C2CD2: variants seen among roughly 807,000 people sequenced by gnomAD.
The protein encoded by C2CD2 is C2 calcium dependent domain containing 2.
C2CD2 carries 43 observed loss-of-function variants against 74.3 expected under a neutral mutation model. The observed-to-expected ratio is 0.58, with a 90% confidence interval of 0.45 to 0.75. C2CD2 has a LOEUF of 0.75. C2CD2 is among the 30% of genes least tolerant of loss of function. The pLI is 0.00. For missense variants in C2CD2, 801 were observed against 916.3 expected (o/e 0.87, Z 1.63); for synonymous variants, 422 against 390.7 (o/e 1.08, Z -0.94).
At position 41,912,376 on chromosome 21, in the gene C2CD2, C is replaced by T; in HGVS notation, c.909G>A (p.Leu303=). The T allele has an allele frequency of 6.2e-7, 1 of 1,612,706 alleles. No homozygotes were observed. The highest frequency in any genetic ancestry group is 8.5e-7 in the Non-Finnish European group (1 of 1,179,826). The change falls in exon 7 of 14, where the codon CTG becomes CTA. Residue 303 remains leucine (L), a synonymous_variant. Coordinates refer to ENST00000380486, the MANE Select transcript of C2CD2 (RefSeq NM_015500.2). ...NDPVQRFSST[L]TKNTPDLMWE... ...ACATGAGGTCCGGAGTGTTTTTCGT[C>T]AGGGTGCTGGAGAACCTCTGAACAG... is the stretch of plus-strand genomic sequence containing the variant.
At chr21:41,928,960 A>T (rs1422592274) in intron 2 of C2CD2, among the ~76,000 whole-genome samples, 1 of 144,702 alleles carries the variant, frequency 6.9e-6, no homozygotes, top group Non-Finnish European at 1.6e-5. Flanking sequence ...CACGAGCTTA[A>T]GTGAAATAAT....
chr21:41,936,730 C>T (rs1256059359), intron 2 of C2CD2, among the ~76,000 whole-genome samples: 4 of 151,616 alleles, frequency 2.6e-5, no homozygotes, highest in Non-Finnish European at 4.4e-5. Context: ...AACGTGAAGA[C>T]GATGAGGATG....
intron 9 of C2CD2, 112 bp from the exon 10 acceptor site, chr21:41,907,278 A>C: frequency 1.2e-6 from 1 of 862,332 alleles, no homozygotes; most frequent in Non-Finnish European, 1.9e-6. Context: ...TCCTTCCCTT[A>C]AGGTCACTTA....
intron 6 of C2CD2, among the ~76,000 whole-genome samples, chr21:41,913,855 G>A (rs1329519157): frequency 1.3e-5 from 2 of 152,170 alleles, no homozygotes; most frequent in South Asian, 2.1e-4. Context: ...TGTGTTGCTT[G>A]TCTTGGCTCC....
rs1326345546 is a variant in C2CD2, at chr21:41,905,944, T to A, written c.1319-107A>T. ...TCACTGCAACTCTGGTGTGTGCAGT[T>A]GGTAAAGGCAAAGCTTAACGAAAGC... On this transcript the variant is annotated intron_variant, in intron 10 of 13. Transcript: ENST00000380486. 65 of 732,608 alleles carry A rather than the reference T, an allele frequency of 8.9e-5. No individual in the cohort carries two copies. The Admixed American group carries it at 1.3e-3, about 15-fold the overall frequency. The allele number at this position is 732,608 out of a possible 1,614,324, so 45.4% of individuals were successfully genotyped here.
At chr21:41,906,824 A>C (rs577046349) in intron 10 of C2CD2, among the ~76,000 whole-genome samples, 168 bp downstream of exon 10, 1 of 152,346 alleles carries the variant, frequency 6.6e-6, no homozygotes, top group East Asian at 1.9e-4. Flanking sequence ...GTCATCCGAT[A>C]ACAACAACAA....
rs1321864500 is a variant in C2CD2, at chr21:41,953,538, C to A, written c.111G>T (p.Ala37=). 3.4e-6 allele frequency: 5 copies of A among 1,476,712 alleles called. No homozygotes were observed. Among genetic ancestry groups the A allele is most frequent in the Non-Finnish European group, 4.5e-6 (5 of 1,119,556 alleles). The allele number at this position is 1,476,712 out of a possible 1,614,324, so 91.5% of individuals were successfully genotyped here. A position where few individuals can be genotyped will look rare whatever the true frequency, so the allele number is the denominator to read the frequency against. Reference sequence around the variant, plus strand: ...GGGGCTGGGGTCGCGCCCTGGCCAGCGCCCACTGCGCCAGGTACAGGCCTA... The same window carrying A: ...GGGGCTGGGGTCGCGCCCTGGCCAGAGCCCACTGCGCCAGGTACAGGCCTA... ...ATVGLYLAQW[A]LARARPQPQR... is the part of the protein sequence containing the mutation. The change falls in exon 1 of 14, where the codon GCG becomes GCT. Residue 37 remains alanine, a synonymous_variant. Coordinates refer to ENST00000380486, the MANE Select transcript of C2CD2 (RefSeq NM_015500.2).
chr21:41,906,868 C>G, intron 10 of C2CD2, 124 bp downstream of exon 10: 1 of 686,892 alleles, frequency 1.5e-6, no homozygotes, highest in Non-Finnish European at 2.5e-6. Flanking sequence ...AGCACCCTTC[C>G]TGTGCTGTGA....
intron 2 of C2CD2, among the ~76,000 whole-genome samples, chr21:41,925,952 G>T (rs2065206439): frequency 6.6e-6 from 1 of 152,220 alleles, no homozygotes; most frequent in South Asian, 2.1e-4. Context: ...TTCCAAGTGA[G>T]CTCTTCGGGG....
chr21:41,939,799 G>A lies in C2CD2; in HGVS notation c.378+2348C>T, dbSNP rs557291319. On this transcript the variant is annotated intron_variant, in intron 2 of 13. Transcript: ENST00000380486. The surrounding 1 kb of genome is among the most constrained non-coding windows in gnomAD (Gnocchi z 5.5). The stretch of plus-strand genomic sequence containing the variant: ...CTATGCTGCTGGGGCAGAGAAAACC[G>A]GGAACAGCACTTTGGTGACTGACTC... 3.9e-5 allele frequency among the ~76,000 whole-genome samples: 6 copies of A among 152,172 alleles called. No homozygotes were observed. Among genetic ancestry groups the A allele is most frequent in the Non-Finnish European group, 7.3e-5 (5 of 68,038 alleles).
intron 13 of C2CD2, among the ~76,000 whole-genome samples, chr21:41,897,834 C>T (rs1311757262): frequency 6.6e-6 from 1 of 152,170 alleles, no homozygotes; most frequent in African/African-American, 2.4e-5. Context: ...GCACCAGGGA[C>T]ATTTGGGACC....
At chr21:41,952,768 G>A (rs2065460199) in intron 1 of C2CD2, among the ~76,000 whole-genome samples, 1 of 152,176 alleles carries the variant, frequency 6.6e-6, no homozygotes, top group Non-Finnish European at 1.5e-5. Flanking sequence ...GCCCTCTCCG[G>A]GCCTTGGTTT....
intron 12 of C2CD2, 140 bp downstream of exon 12, chr21:41,901,482 G>T: frequency 1.2e-6 from 1 of 863,114 alleles, no homozygotes; most frequent in Non-Finnish European, 2.0e-6. Flanking sequence ...TTTGTGGGGT[G>T]AGGAACATAA....
At chr21:41,901,575 A>G (rs374983784) in intron 12 of C2CD2, 47 bp downstream of exon 12, 4 of 1,605,792 alleles carry the variant, frequency 2.5e-6, no homozygotes, top group Middle Eastern at 1.7e-4. Flanking sequence ...GCAGCAGGTC[A>G]CTGACAGATG....
At chr21:41,936,534 G>A (rs2065308563) in intron 2 of C2CD2, among the ~76,000 whole-genome samples, 1 of 152,184 alleles carries the variant, frequency 6.6e-6, no homozygotes, top group Non-Finnish European at 1.5e-5. Flanking sequence ...CAATATGGAA[G>A]CTCCTTTAAA....
rs767316587 is a variant in C2CD2 at position 41,899,310 on chromosome 21, G to A, written c.1613C>T (p.Ser538Phe). ...GTCCTCCTGGTGGGTGCTGTCCACA[G>A]AGGCCGTGTAGCCCTGCATCAGGGC... The part of the protein sequence containing the change: ...DAALMQGYTA[S>F]VDSTHQEDAP... Residue 538 changes from serine (S) to phenylalanine (F), a missense_variant, in exon 13 of 14, where the codon TCT becomes TTT. Ser to Phe is a radical substitution (Grantham distance 155). Coordinates refer to ENST00000380486, the MANE Select transcript of C2CD2 (RefSeq NM_015500.2). The surrounding 1 kb of genome is among the most constrained non-coding windows in gnomAD (Gnocchi z 4.4). The A allele has an allele frequency of 6.2e-7, 1 of 1,610,602 alleles. No homozygotes were observed. Among genetic ancestry groups the A allele is most frequent in the East Asian group, 2.2e-5 (1 of 44,874 alleles).
At chr21:41,908,841 CAT>C (rs2064995065) in intron 8 of C2CD2, 1 of 152,782 alleles carries the variant, frequency 6.5e-6, no homozygotes, top group South Asian at 2.1e-4. Context: ...CACACACACA[CAT>C]ACAGGCCCAC....
rs765147773 is a variant in C2CD2, at chr21:41,953,396, G to C, written c.253C>G (p.Leu85Val). The C allele has an allele frequency of 2.1e-6, 3 of 1,419,632 alleles. No homozygotes were observed. The highest frequency in any genetic ancestry group is 2.9e-5 in the Admixed American group (1 of 34,862). 87.9% of individuals were successfully genotyped at this position (1,419,632 alleles called of 1,614,324 possible). A position where few individuals can be genotyped will look rare whatever the true frequency, so the allele number is the denominator to read the frequency against. Residue 85 changes from leucine (L) to valine (V), a missense_variant, in exon 1 of 14, where the codon CTG becomes GTG. Physicochemically the swap from Leu to Val is conservative, Grantham distance 32. Coordinates refer to ENST00000380486, the MANE Select transcript of C2CD2 (RefSeq NM_015500.2). ...SQWQAAWVTA[L>V]NEEAERKGGP... ...CCTTTCCTCTCGGCCTCCTCGTTCA[G>C]GGCGGTCACCCAGGCCGCCTGCCAC...
intron 1 of C2CD2, among the ~76,000 whole-genome samples, chr21:41,947,143 T>TCTCTCTCTCTCTCTCTCTCTCTCTCC (rs2065406794): frequency 7.8e-6 from 1 of 128,612 alleles, no homozygotes; most frequent in African/African-American, 2.9e-5. Flanking sequence ...TCTCTCTCCC[T>TCTCTCTCTCTCTCTCTCTCTCTCTCC]CCCTCCCTCC....
Sources: allele counts gnomAD v4.1 joint callset (sites outside exome capture counted in the v4.1 genomes callset), GRCh38; gene constraint gnomAD v4.1.1; non-coding constraint Gnocchi (gnomAD v3.1); transcripts MANE v1.5; gene names NCBI Gene and HGNC (gene_info 2026-07-23, HGNC 2026-07-21).